The following FAM135B variants were observed in gnomAD, a reference collection of about 807,000 sequenced individuals.
FAM135B encodes protein FAM135B.
Under a neutral mutation model 127.7 loss-of-function variants are expected in FAM135B, and 43 were observed. The ratio of observed to expected loss-of-function variants is 0.34; its 90% CI spans 0.26 to 0.43. The LOEUF is 0.43. Ranked by LOEUF, FAM135B falls within the 20% of genes least tolerant of loss-of-function variation. The pLI, the probability that FAM135B is intolerant of heterozygous loss-of-function variation, is 1.00. For synonymous variants in FAM135B, 670 were observed against 665.1 expected, an observed-to-expected ratio of 1.01 and a Z score of -0.11; for missense variants, 1,558 against 1,725.6, an observed-to-expected ratio of 0.90 and a Z score of 1.72.
rs1818307397 is a variant in FAM135B at position 138,152,843 on chromosome 8, C to T, written c.1632G>A (p.Glu544=). 6.2e-7 allele frequency: 1 copy of T among 1,614,066 alleles called. No homozygotes were observed. Among genetic ancestry groups the T allele is most frequent in the Admixed American group, 1.7e-5 (1 of 60,006 alleles). The change falls in exon 13 of 20, where the codon GAG becomes GAA. Residue 544 remains glutamate, a synonymous_variant. Coordinates refer to ENST00000395297, the MANE Select transcript of FAM135B (RefSeq NM_015912.4). ...VDTSRRSPGP[E]DGQAPVLTYI... is the part of the protein sequence containing the mutation. The stretch of plus-strand genomic sequence containing the variant: ...AGGTCAGCACTGGGGCCTGTCCATC[C>T]TCTGGACCTGGACTCCTTCTAGAAG...
At chr8:138,465,105 G>C (rs1451503859) in intron 1 of FAM135B, among the ~76,000 whole-genome samples, 1 of 152,108 alleles carries the variant, frequency 6.6e-6, no homozygotes, top group Non-Finnish European at 1.5e-5. Context: ...GAAGAGAAAG[G>C]GATACACAAA....
Position 138,347,106 on chromosome 8 carries a change from A to AGAAT in FAM135B, c.77+20797_77+20800dup, listed in dbSNP as rs143057372. Among the ~76,000 whole-genome samples, 179 of 151,186 alleles carry AGAAT rather than the reference A, an allele frequency of 1.2e-3. 2 individuals carry two copies. Among genetic ancestry groups the AGAAT allele is most frequent in the East Asian group, 9.9e-3 (50 of 5,050 alleles). The stretch of plus-strand genomic sequence containing the variant: ...ATGAATGGAGGAATGAACAAAAGGA[A>AGAAT]GAATGAATGAATGAATGAATGAATG... On this transcript the variant is annotated intron_variant, in intron 2 of 19. Transcript: ENST00000395297.
chr8:138,428,265 C>T (rs1359803357), intron 1 of FAM135B, among the ~76,000 whole-genome samples: 1 of 152,110 alleles, frequency 6.6e-6, no homozygotes. Flanking sequence ...ATACATAGAT[C>T]TATCCTACAC....
chr8:138,297,361 A>G (rs1312372310), intron 3 of FAM135B, among the ~76,000 whole-genome samples: 1 of 152,222 alleles, frequency 6.6e-6, no homozygotes, highest in African/African-American at 2.4e-5. Context: ...TCATATGCAG[A>G]AACTAAGGCA....
intron 17 of FAM135B, among the ~76,000 whole-genome samples, chr8:138,139,604 C>T (rs947014944): frequency 6.6e-6 from 1 of 152,094 alleles, no homozygotes; most frequent in East Asian, 1.9e-4. Flanking sequence ...GAAATCCCGA[C>T]TCTATTAAAA....
At position 138,395,451 on chromosome 8, in the gene FAM135B, C is replaced by T. The variant is rs1467049897; in HGVS notation, c.-19-27449G>A. 5.9e-5 allele frequency among the ~76,000 whole-genome samples: 9 copies of T among 152,250 alleles called. No individual in the cohort carries two copies. In the East Asian group the frequency reaches 1.2e-3, roughly 20 times the overall value. ...GGGGGAAAGGGAAAAACTGAGACAC[C>T]TGAGTCTGTATCCACCATCGGCTAC... On this transcript the variant is annotated intron_variant, in intron 1 of 19. Transcript: ENST00000395297.
intron 1 of FAM135B, among the ~76,000 whole-genome samples, chr8:138,376,007 G>A (rs1388627704): frequency 1.3e-5 from 2 of 152,088 alleles, no homozygotes; most frequent in Non-Finnish European, 2.9e-5. Context: ...GTTTTGTTTT[G>A]TTTTGAAATG....
intron 1 of FAM135B, among the ~76,000 whole-genome samples, chr8:138,442,267 T>C (rs1519389): frequency 0.025 from 2,198 of 86,266 alleles, 129 homozygotes; most frequent in African/African-American, 0.046. Context: ...TATATATATA[T>C]ATATATATAT....
At chr8:138,360,078 T>C (rs994162443) in intron 2 of FAM135B, among the ~76,000 whole-genome samples, 3 of 152,034 alleles carry the variant, frequency 2.0e-5, no homozygotes, top group Non-Finnish European at 1.5e-5. Context: ...CTAAATGATA[T>C]GTAAAGAAGG....
chr8:138,254,522 G>C (rs1419870638), intron 5 of FAM135B, among the ~76,000 whole-genome samples: 1 of 152,152 alleles, frequency 6.6e-6, no homozygotes, highest in Non-Finnish European at 1.5e-5. Flanking sequence ...AACCCCAGAT[G>C]GTTAGGGGAA....
At chr8:138,161,428 TG>T (rs1819379930) in intron 12 of FAM135B, among the ~76,000 whole-genome samples, 1 of 152,218 alleles carries the variant, frequency 6.6e-6, no homozygotes, top group South Asian at 2.1e-4. Context: ...TAACCTCTCA[TG>T]TCTGTCTGTA....
chr8:138,410,563 A>G (rs1055232851), intron 1 of FAM135B, among the ~76,000 whole-genome samples: 1 of 152,194 alleles, frequency 6.6e-6, no homozygotes, highest in Non-Finnish European at 1.5e-5. Context: ...TCAGAGAAAC[A>G]TAAACCGAAA....
intron 2 of FAM135B, among the ~76,000 whole-genome samples, chr8:138,329,954 G>A (rs1357073627): frequency 6.6e-6 from 1 of 152,132 alleles, no homozygotes; most frequent in Non-Finnish European, 1.5e-5. Context: ...AGAATGCAGA[G>A]ACTGCTTGAT....
chr8:138,436,475 C>G (rs1393892406), intron 1 of FAM135B, among the ~76,000 whole-genome samples: 2 of 152,144 alleles, frequency 1.3e-5, no homozygotes, highest in Admixed American at 1.3e-4. Context: ...ATCAAAGTGT[C>G]TGCTTGTTTT....
intron 7 of FAM135B, among the ~76,000 whole-genome samples, chr8:138,204,084 T>A (rs915029697): frequency 6.6e-6 from 1 of 152,206 alleles, no homozygotes; most frequent in African/African-American, 2.4e-5. Flanking sequence ...CACCTCCTAC[T>A]ATGCAGCCCA....
chr8:138,369,672 C>A (rs1563943217), intron 1 of FAM135B, among the ~76,000 whole-genome samples: 1 of 152,192 alleles, frequency 6.6e-6, no homozygotes, highest in Non-Finnish European at 1.5e-5. Context: ...CACACCCGAG[C>A]CAGTCAAGGT....
At chr8:138,170,036 A>C (rs1166696756) in intron 11 of FAM135B, among the ~76,000 whole-genome samples, 2 of 152,132 alleles carry the variant, frequency 1.3e-5, no homozygotes, top group African/African-American at 4.8e-5. Context: ...CTAGGCCAAA[A>C]TCCTGTGCAT....
chr8:138,392,158 A>G (rs1020438847), intron 1 of FAM135B, among the ~76,000 whole-genome samples: 2 of 152,148 alleles, frequency 1.3e-5, no homozygotes, highest in Middle Eastern at 3.2e-3. Context: ...TTGACTAAAC[A>G]TTTCCCTTTC....
chr8:138,397,630 A>G (rs1266952996), intron 1 of FAM135B, among the ~76,000 whole-genome samples: 1 of 152,202 alleles, frequency 6.6e-6, no homozygotes, highest in Non-Finnish European at 1.5e-5. Flanking sequence ...ATTATTAATT[A>G]GCTGTATCAT....
Sources: gnomAD v4.1 joint callset for allele counts (sites outside exome capture counted in the v4.1 genomes callset) on GRCh38, gnomAD v4.1.1 for gene constraint, MANE v1.5 for transcripts, NCBI Gene and HGNC (gene_info 2026-07-23, HGNC 2026-07-21) for gene names.